RAB37: variants seen among roughly 807,000 people sequenced by gnomAD.
RAB37 encodes RAB37, member RAS oncogene family.
In RAB37, 29 loss-of-function variants were observed where a neutral mutation model predicts 33.1. That is an observed-to-expected ratio of 0.88 (90% CI 0.65 to 1.20). RAB37 has a LOEUF of 1.20. Among genes scored for constraint, RAB37 ranks in the 50% most tolerant of loss-of-function variants. The pLI is 0.00. For synonymous variants in RAB37, 128 were observed against 119.5 expected, an observed-to-expected ratio of 1.07 and a Z score of -0.47; for missense variants, 299 against 301.1, an observed-to-expected ratio of 0.99 and a Z score of 0.05.
At chr17:74,682,011 C>A (rs2031964754) in intron 1 of RAB37, among the ~76,000 whole-genome samples, 1 of 152,242 alleles carries the variant, frequency 6.6e-6, no homozygotes, top group Non-Finnish European at 1.5e-5. Context: ...TTATCCCTGT[C>A]TCTGCTGTTA....
In RAB37 at chr17:74,744,764, G is replaced by A. The variant is rs1162097845; in HGVS notation, c.433-109G>A. 24 of 1,320,700 alleles carry A rather than the reference G, an allele frequency of 1.8e-5. No individual in the cohort carries two copies. The highest frequency in any genetic ancestry group is 2.1e-5 in the Non-Finnish European group (19 of 914,592). 81.8% of individuals were successfully genotyped at this position (1,320,700 alleles called of 1,614,324 possible). On this transcript the variant is annotated intron_variant, in intron 6 of 8. Coordinates refer to ENST00000392613, the MANE Select transcript of RAB37 (RefSeq NM_001006638.3). This position sits in a 1 kb window ranked among gnomAD's most constrained non-coding sequence, Gnocchi z 4.2. Reference sequence around the variant, plus strand: ...CCCAGGCCAATCACACCTGCCTGCAGTCCCTTGGGCCACCAGCAGAGGGCA... The same window carrying A: ...CCCAGGCCAATCACACCTGCCTGCAATCCCTTGGGCCACCAGCAGAGGGCA...
chr17:74,684,854 GAGATAGATAGATAGATAGAT>G lies in RAB37; in HGVS notation c.72+13225_72+13244del, dbSNP rs59094915. ...CATGTGTTTATTTATACATATGTGT[GAGATAGATAGATAGATAGAT>G]AGATAGATAGATAGATAGATAGATA... is the stretch of plus-strand genomic sequence containing the variant. On this transcript the variant is annotated intron_variant, in intron 1 of 7. Transcript: ENST00000340415. Among the ~76,000 whole-genome samples the G allele has an allele frequency of 1.2e-3, 185 of 149,114 alleles. 2 individuals are homozygous for G. Among genetic ancestry groups the G allele is most frequent in the East Asian group, 4.8e-3 (24 of 5,050 alleles).
chr17:74,737,092 T>C, upstream of RAB37: 1 of 1,605,224 alleles, frequency 6.2e-7, no homozygotes, highest in Non-Finnish European at 8.5e-7. Flanking sequence ...ACCCTGCGGC[T>C]CTGCGTGCCC....
chr17:74,692,478 G>A (rs1049922832), intron 1 of RAB37, among the ~76,000 whole-genome samples: 4 of 152,190 alleles, frequency 2.6e-5, no homozygotes, highest in African/African-American at 9.6e-5. Flanking sequence ...CCATAGCTGT[G>A]AGAAGTCAGG....
At chr17:74,705,406 C>T (rs1369162845) in intron 1 of RAB37, 7 of 527,224 alleles carry the variant, frequency 1.3e-5, no homozygotes, top group Non-Finnish European at 2.4e-5. Context: ...ACAGATCCCA[C>T]TTTCTTTAAT....
Position 74,737,339 on chromosome 17 carries a change from AG to A in RAB37, c.68del (p.Ser23IlefsTer10), listed in dbSNP as rs2034501790. ...GGCCCCCGAGCGCTCCCCGCCCTGC[AG>A]TCCGAGCTACGACCTCACGGGCAAG... is the stretch of plus-strand genomic sequence containing the variant. ...GEAPERSPPCSPSYDLTGKVM... is the reference protein window; with the variant it reads ...GEAPERSPPCXPSYDLTGKVM... On this transcript the variant is annotated frameshift_variant, in exon 1 of 9. Coordinates refer to ENST00000392613, the MANE Select transcript of RAB37 (RefSeq NM_001006638.3). LOFTEE classifies it high-confidence loss of function. The A allele has an allele frequency of 1.9e-6, 3 of 1,577,448 alleles. No individual in the cohort carries two copies. Among genetic ancestry groups the A allele is most frequent in the Non-Finnish European group, 2.6e-6 (3 of 1,169,232 alleles).
At position 74,745,095 on chromosome 17, in the gene RAB37, G is replaced by C; in HGVS notation, c.566+11G>C. On this transcript the variant is annotated intron_variant, in intron 8 of 8. Transcript: ENST00000392613. This position sits in a 1 kb window ranked among gnomAD's most constrained non-coding sequence, Gnocchi z 4.5. The stretch of plus-strand genomic sequence containing the variant: ...TCTGGCCATCGCCAAGTGAGAGCTG[G>C]GCAGGGAAGGGAAGTGTGCGGGGCA... 2.5e-6 allele frequency: 4 copies of C among 1,613,978 alleles called. No homozygotes were observed. Among genetic ancestry groups the C allele is most frequent in the Non-Finnish European group, 3.4e-6 (4 of 1,179,970 alleles).
chr17:74,702,868 A>G (rs944471247), intron 1 of RAB37, among the ~76,000 whole-genome samples: 5 of 152,238 alleles, frequency 3.3e-5, no homozygotes, highest in African/African-American at 9.6e-5. Flanking sequence ...GACTGAAAGG[A>G]CACCATGTGG....
At chr17:74,696,358 A>C in intron 1 of RAB37, 1 of 799,546 alleles carries the variant, frequency 1.3e-6, no homozygotes, top group African/African-American at 1.8e-5. Flanking sequence ...TCTAATTCTG[A>C]TTCCTCAGAT....
At chr17:74,708,536 C>T (rs938136641) in intron 1 of RAB37, among the ~76,000 whole-genome samples, 2 of 152,144 alleles carry the variant, frequency 1.3e-5, no homozygotes, top group Non-Finnish European at 2.9e-5. Flanking sequence ...GATCAGCATA[C>T]GGAATCTGGT....
chr17:74,725,635 T>C (rs1036925157), intron 1 of RAB37, among the ~76,000 whole-genome samples: 9 of 151,970 alleles, frequency 5.9e-5, no homozygotes, highest in Non-Finnish European at 7.4e-5. Flanking sequence ...TAGATTTTTT[T>C]TTTTTTGAGA....
At chr17:74,686,094 T>C (rs1415643224) in intron 1 of RAB37, among the ~76,000 whole-genome samples, 1 of 152,102 alleles carries the variant, frequency 6.6e-6, no homozygotes, top group East Asian at 1.9e-4. Context: ...CATATCTTGT[T>C]ATATTTTTTT....
rs72122986 is a variant in RAB37, at chr17:74,696,903, TGTTTGGTTTGGTTTG to T, written c.72+25285_72+25299del. Among the ~76,000 whole-genome samples, 776 of 146,924 alleles carry T rather than the reference TGTTTGGTTTGGTTTG, an allele frequency of 5.3e-3. 5 individuals carry two copies. Among genetic ancestry groups the T allele is most frequent in the Middle Eastern group, 0.017 (5 of 290 alleles). ...GGGTCGGCACAGTAGGGACCGATTTTGTTTGGTTTGGTTTGGTTTGGTTTGGTTTGGTTTGGTTTG... is the reference window on the plus strand; with the variant it reads ...GGGTCGGCACAGTAGGGACCGATTTTGTTTGGTTTGGTTTGGTTTGGTTTG... On this transcript the variant is annotated intron_variant, in intron 1 of 7. Coordinates refer to the RAB37 transcript ENST00000340415.
chr17:74,697,191 G>A (rs1414435180), intron 1 of RAB37, among the ~76,000 whole-genome samples: 6 of 152,184 alleles, frequency 3.9e-5, no homozygotes, highest in South Asian at 2.1e-4. Context: ...TGATCCACCC[G>A]CCTCAACCTC....
intron 1 of RAB37, among the ~76,000 whole-genome samples, chr17:74,740,016 C>T (rs1369470898): frequency 1.3e-5 from 2 of 151,796 alleles, no homozygotes; most frequent in African/African-American, 2.4e-5. Flanking sequence ...ATTAGCCAGG[C>T]GAGGTGGTGC....
intron 1 of RAB37, among the ~76,000 whole-genome samples, chr17:74,726,938 C>T (rs2034314133): frequency 6.6e-6 from 1 of 152,224 alleles, no homozygotes; most frequent in Non-Finnish European, 1.5e-5. Context: ...GGCATTTATC[C>T]ACTCACCCAT....
intron 1 of RAB37, among the ~76,000 whole-genome samples, chr17:74,688,492 G>T (rs2032097154): frequency 6.6e-6 from 1 of 150,626 alleles, no homozygotes; most frequent in Non-Finnish European, 1.5e-5. Context: ...GGCTGAGGTT[G>T]CAGTGAGCTG....
intron 1 of RAB37, among the ~76,000 whole-genome samples, chr17:74,688,950 A>T (rs892905045): frequency 6.6e-5 from 10 of 152,370 alleles, no homozygotes; most frequent in African/African-American, 2.4e-4. Flanking sequence ...TTAGGTCTAC[A>T]TCAAAATACT....
chr17:74,733,269 AC>A, upstream of RAB37, among the ~76,000 whole-genome samples: 1 of 152,120 alleles, frequency 6.6e-6, no homozygotes, highest in East Asian at 1.9e-4. Context: ...TATGAGGTGC[AC>A]ATTTGTGGCA....
Sources: gnomAD v4.1 joint callset for allele counts (sites outside exome capture counted in the v4.1 genomes callset) on GRCh38, gnomAD v4.1.1 for gene constraint, Gnocchi (gnomAD v3.1) non-coding constraint, MANE v1.5 for transcripts, NCBI Gene and HGNC (gene_info 2026-07-23, HGNC 2026-07-21) for gene names.